TMEM143: variants seen among roughly 807,000 people sequenced by gnomAD.
TMEM143 encodes transmembrane protein 143.
TMEM143 carries 45 observed loss-of-function variants against 40.3 expected under a neutral mutation model. The observed-to-expected ratio is 1.12, with a 90% CI of 0.88 to 1.43. The LOEUF is 1.43. Among genes scored for constraint, TMEM143 ranks in the 40% most tolerant of loss-of-function variants. The probability of loss-of-function intolerance (pLI) is 0.00; values close to 1 mark genes in which losing one functional copy is unlikely to be tolerated. For missense variants in TMEM143, 620 were observed against 613.4 expected (o/e 1.01, Z -0.11); for synonymous variants, 299 against 282.7 (o/e 1.06, Z -0.58).
At chr19:48,338,613 C>A (rs936025994) in intron 6 of TMEM143, among the ~76,000 whole-genome samples, 3 of 152,264 alleles carry the variant, frequency 2.0e-5, no homozygotes, top group Non-Finnish European at 4.4e-5. Context: ...CGAGCAGATG[C>A]AGCCTCGGGC....
At chr19:48,342,061 G>C (rs941072968) in intron 6 of TMEM143, among the ~76,000 whole-genome samples, 1 of 147,258 alleles carries the variant, frequency 6.8e-6, no homozygotes, top group Non-Finnish European at 1.5e-5. Flanking sequence ...GAGCGGAGGA[G>C]AGGGCAAGAA....
In TMEM143 at chr19:48,333,042, C is replaced by T; in HGVS notation, c.*177G>A. 2.2e-6 allele frequency: 1 copy of T among 447,586 alleles called. No homozygotes were observed. Among genetic ancestry groups the T allele is most frequent in the Non-Finnish European group, 3.8e-6 (1 of 260,144 alleles). 27.7% of individuals were successfully genotyped at this position (447,586 alleles called of 1,614,324 possible). On this transcript the variant is annotated 3_prime_UTR_variant, in exon 8 of 8. Coordinates refer to ENST00000293261, the MANE Select transcript of TMEM143 (RefSeq NM_018273.4). The surrounding 1 kb of genome is among the most constrained non-coding windows in gnomAD (Gnocchi z 4.1). ...CATCGAAGGGGCGGGGAAGACTTAA[C>T]AACTGCTAGCTGCTTTGATTGGCTG...
intron 3 of TMEM143, among the ~76,000 whole-genome samples, chr19:48,353,471 A>G (rs1196032035): frequency 1.3e-5 from 2 of 152,012 alleles, no homozygotes; most frequent in Admixed American, 1.3e-4. Flanking sequence ...GGTGTGAGCC[A>G]CCATGCCCGG....
chr19:48,351,401 T>C (rs1210120298), intron 3 of TMEM143, among the ~76,000 whole-genome samples: 1 of 152,140 alleles, frequency 6.6e-6, no homozygotes, highest in East Asian at 1.9e-4. Flanking sequence ...GCCTGGGAGC[T>C]GTTCTCCCCG....
intron 3 of TMEM143, among the ~76,000 whole-genome samples, chr19:48,356,193 C>T (rs1969887830): frequency 6.6e-6 from 1 of 151,752 alleles, no homozygotes; most frequent in Non-Finnish European, 1.5e-5. Flanking sequence ...TCTCAGCTCA[C>T]TGCAACCTCC....
intron 3 of TMEM143, among the ~76,000 whole-genome samples, chr19:48,347,554 C>CTTTT (rs1309165553): frequency 4.7e-5 from 6 of 128,452 alleles, no homozygotes; most frequent in Admixed American, 8.1e-5. Flanking sequence ...CTCTACAAAA[C>CTTTT]TTTTTTTTTT....
rs753117552 is a variant in TMEM143, at chr19:48,334,095, G to C, written c.1078C>G (p.Arg360Gly). The change falls in exon 7 of 8, where the codon CGC becomes GGC. Residue 360 changes from arginine to glycine, a missense_variant. By Grantham distance (125) the Arg-to-Gly change is moderately radical. Coordinates refer to ENST00000293261, the MANE Select transcript of TMEM143 (RefSeq NM_018273.4). Reference protein sequence around the residue: ...NSELLSALALRAQDEHTKEAL... With the variant: ...NSELLSALALGAQDEHTKEAL... The stretch of plus-strand genomic sequence containing the variant: ...TCCTTGGTGTGCTCGTCCTGCGCGC[G>C]CAGGGCCAGGGCGCTGAGCAGCTCC... 56 of 1,593,326 alleles carry C rather than the reference G, an allele frequency of 3.5e-5. No individual in the cohort carries two copies. The highest frequency in any genetic ancestry group is 4.6e-5 in the Non-Finnish European group (54 of 1,171,250).
intron 3 of TMEM143, among the ~76,000 whole-genome samples, chr19:48,355,977 C>T (rs758512921): frequency 3.4e-4 from 52 of 152,310 alleles, no homozygotes; most frequent in Non-Finnish European, 5.9e-4. Context: ...CAGGAGCATC[C>T]CTGGTTGGCA....
chr19:48,339,144 C>A lies in TMEM143; in HGVS notation c.975+3386G>T, dbSNP rs1032461322. 3.0e-4 allele frequency among the ~76,000 whole-genome samples: 46 copies of A among 151,846 alleles called. 1 individual carries two copies. Among genetic ancestry groups the A allele is most frequent in the African/African-American group, 1.1e-3 (45 of 41,312 alleles). On this transcript the variant is annotated intron_variant, in intron 6 of 7. Coordinates refer to ENST00000293261, the MANE Select transcript of TMEM143 (RefSeq NM_018273.4). ...GAATGGGGAATGGGCTGGAAGGGAC[C>A]AACTGGAGGCTGGGAAGAGGGCCTG...
chr19:48,333,239 G>A lies in TMEM143; in HGVS notation c.1360C>T (p.Pro454Ser). ...TCTACTCAGGAGATGTTACTGCTGG[G>A]CGTGGCTTGCGGGGGCTCGGAAGTG... ...PITSEPPQAT[P>S]SSNIS The change falls in exon 8 of 8, where the codon CCC becomes TCC. Residue 454 changes from proline to serine, a missense_variant. By Grantham distance (74) the Pro-to-Ser change is moderately conservative (BLOSUM62 -1). Coordinates refer to ENST00000293261, the MANE Select transcript of TMEM143 (RefSeq NM_018273.4). This position sits in a 1 kb window ranked among gnomAD's most constrained non-coding sequence, Gnocchi z 4.1. The A allele has an allele frequency of 6.7e-7, 1 of 1,489,928 alleles. No homozygotes were observed. Among genetic ancestry groups the A allele is most frequent in the Admixed American group, 2.0e-5 (1 of 49,484 alleles). The allele number at this position is 1,489,928 out of a possible 1,614,324, so 92.3% of individuals were successfully genotyped here.
intron 6 of TMEM143, among the ~76,000 whole-genome samples, chr19:48,338,862 C>A (rs189026589): frequency 2.0e-5 from 3 of 152,288 alleles, no homozygotes; most frequent in Non-Finnish European, 4.4e-5. Flanking sequence ...GGAAGGCTTC[C>A]CAGAGCAGGC....
At chr19:48,363,581 G>A (rs890163278) in intron 1 of TMEM143, 50 bp from the exon 2 acceptor site, 4 of 1,546,794 alleles carry the variant, frequency 2.6e-6, no homozygotes, top group Non-Finnish European at 3.5e-6. Flanking sequence ...GAGGAAAAGC[G>A]CCCTCTCCAC....
intron 3 of TMEM143, among the ~76,000 whole-genome samples, chr19:48,355,185 C>A (rs1441587834): frequency 2.0e-5 from 3 of 151,952 alleles, no homozygotes; most frequent in African/African-American, 4.8e-5. Context: ...CGGGCACCCC[C>A]CACCACAACC....
rs1185230818 is a variant in TMEM143 at position 48,342,743 on chromosome 19, G to C, written c.762C>G (p.Phe254Leu). 3.7e-6 allele frequency: 6 copies of C among 1,613,942 alleles called. No individual in the cohort carries two copies. In the African/African-American group the frequency reaches 6.7e-5, roughly 18 times the overall value. Residue 254 changes from phenylalanine (F) to leucine (L), a missense_variant, in exon 6 of 8, where the codon TTC (phenylalanine) becomes TTG (leucine). Transcript: ENST00000293261. ...TKRGHLVLKS[F>L]KDTPLEGLEQ... Reference sequence around the variant, plus strand: ...CCAGGCCTTCCAGCGGCGTGTCCTTGAAACTCTTCAGTACCAGGTGTCCCC... The same window carrying C: ...CCAGGCCTTCCAGCGGCGTGTCCTTCAAACTCTTCAGTACCAGGTGTCCCC...
rs977784099 is a variant in TMEM143 at position 48,342,936 on chromosome 19, TG to T, written c.696-128del. 13 of 1,192,158 alleles carry T rather than the reference TG, an allele frequency of 1.1e-5. No homozygotes were observed. The African/African-American group carries it at 2.0e-4, about 18-fold the overall frequency. The allele number at this position is 1,192,158 out of a possible 1,614,324, so 73.8% of individuals were successfully genotyped here. A position where few individuals can be genotyped will look rare whatever the true frequency, so the allele number is the denominator to read the frequency against. On this transcript the variant is annotated intron_variant, in intron 5 of 7. Coordinates refer to ENST00000293261, the MANE Select transcript of TMEM143 (RefSeq NM_018273.4). ...CATCTTAAAAGCGACTCAGTAATCA[TG>T]GGGAAGAAACCAGGGATCAGCTGTG...
chr19:48,334,634 T>C (rs1399227418), intron 6 of TMEM143, among the ~76,000 whole-genome samples: 1 of 148,700 alleles, frequency 6.7e-6, no homozygotes, highest in Non-Finnish European at 1.5e-5. Flanking sequence ...CAGTCTGGAG[T>C]TCAGTGGCTA....
Position 48,339,628 on chromosome 19 carries a change from G to A in TMEM143, c.975+2902C>T, listed in dbSNP as rs146874597. Among the ~76,000 whole-genome samples, 392 of 152,282 alleles carry A rather than the reference G, an allele frequency of 2.6e-3. 1 individual carries two copies. The highest frequency in any genetic ancestry group is 9.0e-3 in the African/African-American group (373 of 41,554). ...GAGAAGCCAGATTAGGGGACTAGGG[G>A]AGGGGCTTGCAATGAAGACAGAGAT... On this transcript the variant is annotated intron_variant, in intron 6 of 7. Transcript: ENST00000293261.
At chr19:48,355,473 CCGGGCCCTCTGAGA>C (rs1969868359) in intron 3 of TMEM143, among the ~76,000 whole-genome samples, 1 of 152,156 alleles carries the variant, frequency 6.6e-6, no homozygotes, top group African/African-American at 2.4e-5. Context: ...TGGGCACAAC[CCGGGCCCTCTGAGA>C]CATTCAGTTT....
chr19:48,360,694 G>C (rs536679930), intron 2 of TMEM143: 1 of 155,120 alleles, frequency 6.4e-6, no homozygotes, highest in South Asian at 1.9e-4. Context: ...GGAGGTTCAA[G>C]TTTTTGCTTT....
Sources: allele counts gnomAD v4.1 joint callset (sites outside exome capture counted in the v4.1 genomes callset), GRCh38; gene constraint gnomAD v4.1.1; non-coding constraint Gnocchi (gnomAD v3.1); transcripts MANE v1.5; gene names NCBI Gene and HGNC (gene_info 2026-07-23, HGNC 2026-07-21).